GNA14: variants seen among roughly 807,000 people sequenced by gnomAD.
GNA14 encodes guanine nucleotide-binding protein subunit alpha-14.
A neutral mutation model predicts 42.0 loss-of-function variants in GNA14; 50 were observed. The ratio of observed to expected loss-of-function variants is 1.19; its 90% CI spans 0.95 to 1.51. The LOEUF (loss-of-function observed/expected upper bound fraction) is 1.51, where lower values mean the gene tolerates loss of function less well. GNA14 is among the 40% of genes most tolerant of loss of function. GNA14 has a pLI of 0.00. For missense variants in GNA14, 473 were observed against 446.2 expected (o/e 1.06, Z -0.54); for synonymous variants, 173 against 163.1 (o/e 1.06, Z -0.46).
intron 2 of GNA14, among the ~76,000 whole-genome samples, chr9:77,464,331 ATG>A (rs754670266): frequency 0.034 from 4,927 of 142,848 alleles, 96 homozygotes; most frequent in Non-Finnish European, 0.051. Flanking sequence ...GTGTATATAT[ATG>A]TGTGTGTGTG....
chr9:77,598,525 G>A (rs1161187769), intron 1 of GNA14, among the ~76,000 whole-genome samples: 1 of 152,116 alleles, frequency 6.6e-6, no homozygotes, highest in Non-Finnish European at 1.5e-5. Flanking sequence ...CTGGTATTCT[G>A]CCTCAAAGAC....
intron 2 of GNA14, among the ~76,000 whole-genome samples, chr9:77,436,260 T>C (rs116190610): frequency 0.015 from 2,248 of 152,254 alleles, 22 homozygotes; most frequent in East Asian, 0.029. Flanking sequence ...TGCGCTGGCC[T>C]GGGAATCAGG....
intron 1 of GNA14, among the ~76,000 whole-genome samples, chr9:77,549,646 G>A (rs1010414833): frequency 6.6e-6 from 1 of 152,122 alleles, no homozygotes; most frequent in African/African-American, 2.4e-5. Context: ...AATGCTTGCT[G>A]GCAGAAAATG....
At position 77,601,944 on chromosome 9, in the gene GNA14, C is replaced by A. The variant is rs557637415; in HGVS notation, c.124+45726G>T. ...TCTATCAGGGGATGCAAACTGATAG[C>A]CAATTAAACCTAATCTCCAGACAGA... On this transcript the variant is annotated intron_variant, in intron 1 of 6. Transcript: ENST00000341700. Among the ~76,000 whole-genome samples, 373 of 152,304 alleles carry A rather than the reference C, an allele frequency of 2.4e-3. 3 individuals carry two copies. Among genetic ancestry groups the A allele is most frequent in the Middle Eastern group, 6.8e-3 (2 of 294 alleles).
intron 2 of GNA14, among the ~76,000 whole-genome samples, chr9:77,501,281 C>T (rs1235316688): frequency 2.0e-5 from 3 of 152,172 alleles, no homozygotes; most frequent in African/African-American, 7.2e-5. Context: ...AAACTGCCAA[C>T]TGTCTCCCAG....
chr9:77,519,418 GA>G (rs370430699), intron 2 of GNA14, among the ~76,000 whole-genome samples: 3 of 150,624 alleles, frequency 2.0e-5, no homozygotes, highest in African/African-American at 4.9e-5. Context: ...CTCAAAAGAA[GA>G]AAAAAAAATT....
chr9:77,564,308 A>AAC (rs1554698976), intron 1 of GNA14, among the ~76,000 whole-genome samples: 51 of 151,032 alleles, frequency 3.4e-4, no homozygotes, highest in South Asian at 8.4e-4. Flanking sequence ...AAAAAAAAAA[A>AAC]AAAAAACTTA....
chr9:77,495,827 T>TA (rs1351520703), intron 2 of GNA14, among the ~76,000 whole-genome samples: 1 of 152,204 alleles, frequency 6.6e-6, no homozygotes, highest in Non-Finnish European at 1.5e-5. Flanking sequence ...TCTGTTTCTT[T>TA]AAAAACAAGT....
chr9:77,628,473 C>T (rs908324735), intron 1 of GNA14, among the ~76,000 whole-genome samples: 18 of 152,286 alleles, frequency 1.2e-4, no homozygotes, highest in African/African-American at 4.3e-4. Flanking sequence ...CAGCATACTA[C>T]CTGACTTCAA....
At chr9:77,647,553 G>C (rs1031212363) in intron 1 of GNA14, 117 bp downstream of exon 1, 3 of 1,181,274 alleles carry the variant, frequency 2.5e-6, no homozygotes, top group Admixed American at 5.9e-5. Context: ...GGGGGAGAAG[G>C]ACGAAGCCGC....
chr9:77,578,841 G>A (rs1338783468), intron 1 of GNA14, among the ~76,000 whole-genome samples: 2 of 152,246 alleles, frequency 1.3e-5, no homozygotes, highest in African/African-American at 2.4e-5. Context: ...TGGGTAAGAG[G>A]GGCAGAGACT....
At position 77,483,360 on chromosome 9, in the gene GNA14, C is replaced by T. The variant is rs375572592; in HGVS notation, c.309+45709G>A. Among the ~76,000 whole-genome samples, 10 of 152,244 alleles carry T rather than the reference C, an allele frequency of 6.6e-5. No individual in the cohort carries two copies. The South Asian group carries it at 2.1e-3, about 32-fold the overall frequency. On this transcript the variant is annotated intron_variant, in intron 2 of 6. Transcript: ENST00000341700. Reference sequence around the variant, plus strand: ...CCTGGGCATCAGGAGCAGTGGCTGCCGAACAGCGGTGGCTGTAGAACAGCG... The same window carrying T: ...CCTGGGCATCAGGAGCAGTGGCTGCTGAACAGCGGTGGCTGTAGAACAGCG...
intron 1 of GNA14, among the ~76,000 whole-genome samples, chr9:77,645,266 A>G (rs1824335308): frequency 6.6e-6 from 1 of 152,190 alleles, no homozygotes; most frequent in East Asian, 1.9e-4. Context: ...TGGATGCTCT[A>G]ATCTACCCAC....
At chr9:77,475,858 G>C (rs1418411970) in intron 2 of GNA14, among the ~76,000 whole-genome samples, 1 of 152,188 alleles carries the variant, frequency 6.6e-6, no homozygotes, top group Non-Finnish European at 1.5e-5. Context: ...GATGCTGTGG[G>C]TTGGGGTGTT....
In GNA14 at chr9:77,472,788, A is replaced by ATCTCTCTCTCTC. The variant is rs34429720; in HGVS notation, c.310-38278_310-38267dup. ...TTATAAGAGGAAGAGACATGACATG[A>ATCTCTCTCTCTC]TCTCTCTCTCTCTCTCTCTCTCTCT... On this transcript the variant is annotated intron_variant, in intron 2 of 6. Transcript: ENST00000341700. 3.0e-3 allele frequency among the ~76,000 whole-genome samples: 433 copies of ATCTCTCTCTCTC among 142,076 alleles called. 2 individuals are homozygous for ATCTCTCTCTCTC. Among genetic ancestry groups the ATCTCTCTCTCTC allele is most frequent in the Non-Finnish European group, 3.9e-3 (252 of 65,368 alleles). The allele number at this position is 142,076 out of a possible 152,430, so 93.2% of individuals were successfully genotyped here.
At chr9:77,558,225 G>A (rs117061017) in intron 1 of GNA14, among the ~76,000 whole-genome samples, 4,374 of 152,210 alleles carry the variant, frequency 0.029, 78 homozygotes, top group Non-Finnish European at 0.042. Flanking sequence ...AGCATTTGGA[G>A]GTGCCTTGCC....
chr9:77,622,054 G>A (rs1180802460), intron 1 of GNA14, among the ~76,000 whole-genome samples: 1 of 152,134 alleles, frequency 6.6e-6, no homozygotes, highest in African/African-American at 2.4e-5. Context: ...GCATCCCAAA[G>A]TTCTGGGATT....
intron 2 of GNA14, among the ~76,000 whole-genome samples, chr9:77,520,784 G>A (rs1837344688): frequency 6.6e-6 from 1 of 152,146 alleles, no homozygotes; most frequent in African/African-American, 2.4e-5. Context: ...CTAGTTTCTG[G>A]ATTGTTTGTA....
chr9:77,625,282 T>C (rs1823995807), intron 1 of GNA14, among the ~76,000 whole-genome samples: 1 of 152,042 alleles, frequency 6.6e-6, no homozygotes, highest in Non-Finnish European at 1.5e-5. Context: ...TTGGTGTACC[T>C]AAAAGTGACG....
Sources: allele counts gnomAD v4.1 joint callset (sites outside exome capture counted in the v4.1 genomes callset), GRCh38; gene constraint gnomAD v4.1.1; transcripts MANE v1.5; gene names NCBI Gene and HGNC (gene_info 2026-07-23, HGNC 2026-07-21).